The following NRXN3 variants were observed in gnomAD, a reference collection of about 807,000 sequenced individuals.
The protein encoded by NRXN3 is neurexin 3.
A neutral mutation model predicts 137.6 loss-of-function variants in NRXN3; 32 were observed. The observed-to-expected ratio is 0.23, with a 90% CI of 0.18 to 0.31. NRXN3 has a LOEUF of 0.31. NRXN3 is among the 10% of genes least tolerant of loss of function. The pLI is 1.00. For missense variants in NRXN3, 1,574 were observed against 2,062.5 expected, an observed-to-expected ratio of 0.76 and a Z score of 4.59; for synonymous variants, 798 against 784.5, an observed-to-expected ratio of 1.02 and a Z score of -0.29.
At chr14:78,914,469 G>T (rs2099249585) in intron 10 of NRXN3, among the ~76,000 whole-genome samples, 1 of 152,152 alleles carries the variant, frequency 6.6e-6, no homozygotes, top group South Asian at 2.1e-4. Context: ...GGGTGAGGAG[G>T]ACCAAGGTTT....
At position 78,228,764 on chromosome 14, in the gene NRXN3, A is replaced by G. The variant is rs114426894; in HGVS notation, c.-703-13627A>G. On this transcript the variant is annotated intron_variant, in intron 1 of 20. Transcript: ENST00000335750. ...TGACTCTAGTCTAGCTCTTAACTGA[A>G]TCCCAGAATACCAGAACCTTGGGGC... is the stretch of plus-strand genomic sequence containing the variant. Among the ~76,000 whole-genome samples the G allele has an allele frequency of 3.0e-3, 455 of 152,324 alleles. 1 individual carries two copies. The highest frequency in any genetic ancestry group is 0.01 in the African/African-American group (434 of 41,570).
intron 15 of NRXN3, among the ~76,000 whole-genome samples, chr14:79,258,339 G>A (rs2077077539): frequency 6.6e-6 from 1 of 151,920 alleles, no homozygotes; most frequent in African/African-American, 2.4e-5. Context: ...CAAGCACCTG[G>A]GATTACAGGT....
At chr14:79,568,550 G>C (rs1426629844) in intron 16 of NRXN3, among the ~76,000 whole-genome samples, 3 of 146,620 alleles carry the variant, frequency 2.0e-5, no homozygotes, top group Non-Finnish European at 4.5e-5. Flanking sequence ...CTACCCACCA[G>C]GGTACCAGTC....
chr14:79,837,850 A>C (rs1036151517), intron 20 of NRXN3, among the ~76,000 whole-genome samples: 1 of 152,160 alleles, frequency 6.6e-6, no homozygotes, highest in African/African-American at 2.4e-5. Context: ...TAAACTCTTC[A>C]TGCAGCATCT....
At chr14:78,197,926 A>G (rs1377623772) in intron 1 of NRXN3, among the ~76,000 whole-genome samples, 1 of 152,182 alleles carries the variant, frequency 6.6e-6, no homozygotes, top group Non-Finnish European at 1.5e-5. Flanking sequence ...CTGCCTGTAT[A>G]TAAAGCAATA....
chr14:78,793,155 T>G (rs1314988968), intron 8 of NRXN3, among the ~76,000 whole-genome samples: 8 of 152,128 alleles, frequency 5.3e-5, no homozygotes, highest in Non-Finnish European at 1.0e-4. Flanking sequence ...ACATAATCAT[T>G]AATTATGTAC....
intron 4 of NRXN3, among the ~76,000 whole-genome samples, chr14:78,488,390 A>G (rs1190325135): frequency 3.9e-5 from 6 of 152,210 alleles, no homozygotes; most frequent in African/African-American, 1.2e-4. Flanking sequence ...CTTGATCCCT[A>G]TGATCTAAAG....
At chr14:78,617,439 G>T (rs2097357683) in intron 4 of NRXN3, among the ~76,000 whole-genome samples, 1 of 152,222 alleles carries the variant, frequency 6.6e-6, no homozygotes, top group Non-Finnish European at 1.5e-5. Flanking sequence ...CATGGCTGGG[G>T]CTGGTTTTAT....
At chr14:79,321,664 T>C (rs1461671389) in intron 15 of NRXN3, among the ~76,000 whole-genome samples, 1 of 151,618 alleles carries the variant, frequency 6.6e-6, no homozygotes, top group Non-Finnish European at 1.5e-5. Flanking sequence ...GTATAGTTCC[T>C]GGCATTGGGC....
intron 8 of NRXN3, among the ~76,000 whole-genome samples, chr14:78,798,886 G>A (rs2098830489): frequency 6.6e-6 from 1 of 152,232 alleles, no homozygotes; most frequent in Non-Finnish European, 1.5e-5. Context: ...CATAGCGTGA[G>A]TGGTTGGGAC....
At chr14:79,035,856 G>T (rs543882231) in intron 15 of NRXN3, among the ~76,000 whole-genome samples, 1 of 152,172 alleles carries the variant, frequency 6.6e-6, no homozygotes, top group African/African-American at 2.4e-5. Context: ...GTGGGGGATG[G>T]ATGGAACTAA....
chr14:79,025,219 C>T (rs575072849), intron 15 of NRXN3, among the ~76,000 whole-genome samples: 1 of 152,152 alleles, frequency 6.6e-6, no homozygotes, highest in Admixed American at 6.5e-5. Flanking sequence ...GACTGCTGTT[C>T]TTTTCTGTTG....
In NRXN3 at chr14:78,756,545, CAAA is replaced by C. The variant is rs869164043; in HGVS notation, c.2044+41424_2044+41426del. 4.4e-3 allele frequency among the ~76,000 whole-genome samples: 310 copies of C among 70,804 alleles called. 1 individual carries two copies. The highest frequency in any genetic ancestry group is 0.012 in the African/African-American group (265 of 21,948). The allele number at this position is 70,804 out of a possible 152,430, so 46.5% of individuals were successfully genotyped here. ...TGGGTGACAGACTGGGATTCTGTCT[CAAA>C]AAAAAAAAAAAAAAAAAGGTTCACT... On this transcript the variant is annotated intron_variant, in intron 8 of 20. Transcript: ENST00000335750.
At chr14:79,664,269 A>G (rs902978626) in intron 17 of NRXN3, among the ~76,000 whole-genome samples, 3 of 152,106 alleles carry the variant, frequency 2.0e-5, no homozygotes, top group Admixed American at 6.6e-5. Context: ...GATCATCTCT[A>G]TCATGAGCTA....
At chr14:78,276,187 C>T (rs1447890956) in intron 2 of NRXN3, among the ~76,000 whole-genome samples, 1 of 152,142 alleles carries the variant, frequency 6.6e-6, no homozygotes, top group Non-Finnish European at 1.5e-5. Flanking sequence ...AGTATTTTTA[C>T]ATACAGGACT....
chr14:78,284,781 T>C (rs1489171383), intron 3 of NRXN3, among the ~76,000 whole-genome samples: 1 of 152,062 alleles, frequency 6.6e-6, no homozygotes, highest in African/African-American at 2.4e-5. Flanking sequence ...GTGCTTGCAG[T>C]CAAGAGGTCC....
chr14:78,278,754 A>G, intron 3 of NRXN3, 92 bp downstream of exon 3: 1 of 1,030,970 alleles, frequency 9.7e-7, no homozygotes, highest in Non-Finnish European at 1.5e-6. Context: ...TATAGAGACA[A>G]AATTCTAAGT....
chr14:78,536,205 A>G (rs1401775701), intron 4 of NRXN3, among the ~76,000 whole-genome samples: 1 of 152,190 alleles, frequency 6.6e-6, no homozygotes, highest in African/African-American at 2.4e-5. Flanking sequence ...CCAGAAGTGC[A>G]GAGAAATTAA....
intron 16 of NRXN3, among the ~76,000 whole-genome samples, chr14:79,488,238 T>A: frequency 6.6e-6 from 1 of 152,040 alleles, no homozygotes. Context: ...GAGCTGAGGA[T>A]CAGAAGACCT....
Sources: allele counts gnomAD v4.1 joint callset (sites outside exome capture counted in the v4.1 genomes callset), GRCh38; gene constraint gnomAD v4.1.1; transcripts MANE v1.5; gene names NCBI Gene and HGNC (gene_info 2026-07-23, HGNC 2026-07-21).